The following PIAS4 variants were observed in gnomAD, a reference collection of about 807,000 sequenced individuals.
The protein encoded by PIAS4 is protein inhibitor of activated STAT 4.
Under a neutral mutation model 58.0 loss-of-function variants are expected in PIAS4, and 7 were observed. The observed-to-expected ratio is 0.12, with a 90% CI of 0.07 to 0.23. The LOEUF (loss-of-function observed/expected upper bound fraction) is 0.23. PIAS4 is among the 10% of genes least tolerant of loss of function. PIAS4 has a pLI of 1.00. For missense variants in PIAS4, 550 were observed against 709.5 expected (o/e 0.78, Z 2.55); for synonymous variants, 364 against 312.4 (o/e 1.17, Z -1.74).
Position 4,038,009 on chromosome 19 carries a change from G to T in PIAS4, c.*134G>T, listed in dbSNP as rs1031817713. ...TTTTGTTTTTCCACCCTTTTGCCTG[G>T]CTCCTGGCACCTGTACCTCTGGACT... On this transcript the variant is annotated 3_prime_UTR_variant, in exon 11 of 11. Transcript: ENST00000262971. The surrounding 1 kb of genome is among the most constrained non-coding windows in gnomAD (Gnocchi z 4.1). 1.1e-6 allele frequency: 1 copy of T among 897,198 alleles called. No individual in the cohort carries two copies. Among genetic ancestry groups the T allele is most frequent in the Admixed American group, 2.9e-5 (1 of 34,972 alleles). 55.6% of individuals were successfully genotyped at this position (897,198 alleles called of 1,614,324 possible). A position where few individuals can be genotyped will look rare whatever the true frequency, so the allele number is the denominator to read the frequency against.
intron 1 of PIAS4, among the ~76,000 whole-genome samples, chr19:4,011,273 T>A (rs2039989813): frequency 6.6e-6 from 1 of 152,234 alleles, no homozygotes; most frequent in South Asian, 2.1e-4. Context: ...AGCTACTGTT[T>A]CCCACCACAT....
chr19:4,037,041 G>A lies in PIAS4; in HGVS notation c.1143-333G>A, dbSNP rs1043299232. On this transcript the variant is annotated intron_variant, in intron 9 of 10. Coordinates refer to ENST00000262971, the MANE Select transcript of PIAS4 (RefSeq NM_015897.4). The surrounding 1 kb of genome is among the most constrained non-coding windows in gnomAD (Gnocchi z 5.8). ...CACGCTCAAACATGCGTGCACACCCGGAGGTGCCCAGAGGGGCAGGGTGGG... is the reference window on the plus strand; with the variant it reads ...CACGCTCAAACATGCGTGCACACCCAGAGGTGCCCAGAGGGGCAGGGTGGG... Among the ~76,000 whole-genome samples the A allele has an allele frequency of 2.1e-4, 32 of 151,840 alleles. No individual in the cohort carries two copies. Among genetic ancestry groups the A allele is most frequent in the African/African-American group, 7.5e-4 (31 of 41,546 alleles).
chr19:4,025,343 T>C (rs1475387979), intron 3 of PIAS4, among the ~76,000 whole-genome samples: 1 of 152,224 alleles, frequency 6.6e-6, no homozygotes, highest in Non-Finnish European at 1.5e-5. Context: ...CCCTGCGCTC[T>C]GCTCCTCCCT....
At chr19:4,010,697 G>A (rs2039984457) in intron 1 of PIAS4, among the ~76,000 whole-genome samples, 1 of 152,182 alleles carries the variant, frequency 6.6e-6, no homozygotes, top group South Asian at 2.1e-4. Flanking sequence ...GGAGGCTCTG[G>A]GCCAGCCTCT....
intron 9 of PIAS4, among the ~76,000 whole-genome samples, chr19:4,036,041 TAC>T (rs1183918973): frequency 4.5e-3 from 16 of 3,538 alleles, no homozygotes; most frequent in Admixed American, 0.011. Context: ...CACACCGTCA[TAC>T]ACACACACAT....
chr19:4,013,106 T>G lies in PIAS4; in HGVS notation c.211T>G (p.Ser71Ala). The G allele has an allele frequency of 6.2e-7, 1 of 1,613,256 alleles. No homozygotes were observed. The highest frequency in any genetic ancestry group is 8.5e-7 in the Non-Finnish European group (1 of 1,179,986). The change falls in exon 2 of 11, where the codon TCG becomes GCG. Residue 71 changes from serine (S) to alanine (A), a missense_variant. Ser to Ala is a moderately conservative substitution (Grantham distance 99). Around this residue, in one of 4 missense-constraint regions of PIAS4, gnomAD observed 95 missense variants for 87.5 expected, o/e 1.09. Coordinates refer to ENST00000262971, the MANE Select transcript of PIAS4 (RefSeq NM_015897.4). The surrounding 1 kb of genome is among the most constrained non-coding windows in gnomAD (Gnocchi z 5.1). Reference sequence around the variant, plus strand: ...CGAGACCCGCTACGCCAAGAAGAACTCGGAGCCTGCCCCACAGCCGCACCG... The same window carrying G: ...CGAGACCCGCTACGCCAAGAAGAACGCGGAGCCTGCCCCACAGCCGCACCG... Reference protein sequence around the residue: ...LYETRYAKKNSEPAPQPHRPL... With the variant: ...LYETRYAKKNAEPAPQPHRPL...
chr19:4,015,201 G>A (rs1168496513), intron 2 of PIAS4, among the ~76,000 whole-genome samples: 4 of 152,212 alleles, frequency 2.6e-5, no homozygotes, highest in African/African-American at 9.7e-5. Context: ...AGAGCTGGCT[G>A]TCTCTGAAGG....
intron 2 of PIAS4, among the ~76,000 whole-genome samples, chr19:4,023,459 C>CCAAAACAAAACAAAA (rs112254507): frequency 6.6e-6 from 1 of 152,134 alleles, no homozygotes; most frequent in African/African-American, 2.4e-5. Flanking sequence ...AACTCCATCT[C>CCAAAACAAAACAAAA]CAAAACAAAA....
rs1276311578 is a variant in PIAS4, at chr19:4,037,003, A to T, written c.1143-371A>T. The stretch of plus-strand genomic sequence containing the variant: ...CATGCTCGCACACATGCACAGATAC[A>T]CTCACGTCCACACACGCTCAAACAT... On this transcript the variant is annotated intron_variant, in intron 9 of 10. Transcript: ENST00000262971. The surrounding 1 kb of genome is among the most constrained non-coding windows in gnomAD (Gnocchi z 5.8). Among the ~76,000 whole-genome samples, 2 of 151,794 alleles carry T rather than the reference A, an allele frequency of 1.3e-5. No individual in the cohort carries two copies. The highest frequency in any genetic ancestry group is 2.4e-5 in the African/African-American group (1 of 41,408).
chr19:4,036,103 A>AC (rs2040279636), intron 9 of PIAS4, among the ~76,000 whole-genome samples: 1 of 18,410 alleles, frequency 5.4e-5, no homozygotes, highest in African/African-American at 8.3e-5. Context: ...CCGTCATACA[A>AC]ACACACACAC....
intron 3 of PIAS4, among the ~76,000 whole-genome samples, chr19:4,027,446 G>C (rs972080339): frequency 6.6e-6 from 1 of 152,166 alleles, no homozygotes; most frequent in East Asian, 1.9e-4. Context: ...CTGCTAGTTT[G>C]TGGCTGTTGT....
chr19:4,033,866 C>A (rs1280324112), intron 9 of PIAS4, among the ~76,000 whole-genome samples: 2 of 152,202 alleles, frequency 1.3e-5, no homozygotes, highest in Admixed American at 1.3e-4. Flanking sequence ...ACCCTGAGCT[C>A]CAGGAGTGTG....
intron 1 of PIAS4, among the ~76,000 whole-genome samples, chr19:4,008,006 G>C (rs1414532198): frequency 6.6e-6 from 1 of 151,430 alleles, no homozygotes; most frequent in Non-Finnish European, 1.5e-5. Flanking sequence ...TCTTCGCGCC[G>C]GGGGTCGCTC....
intron 2 of PIAS4, among the ~76,000 whole-genome samples, chr19:4,022,658 G>A (rs138629498): frequency 2.2e-3 from 326 of 151,550 alleles, no homozygotes; most frequent in African/African-American, 7.3e-3. Flanking sequence ...GAGCCACCGC[G>A]CCTGGCCGTT....
rs911488971 is a variant in PIAS4, at chr19:4,032,720, C to T, written c.908-380C>T. Reference sequence around the variant, plus strand: ...CCCAAAGAGTCCCTGCCTCATTCCCCGCTGTGGCCTTGGGGATGGTGCTTC... The same window carrying T: ...CCCAAAGAGTCCCTGCCTCATTCCCTGCTGTGGCCTTGGGGATGGTGCTTC... On this transcript the variant is annotated intron_variant, in intron 7 of 10. Coordinates refer to ENST00000262971, the MANE Select transcript of PIAS4 (RefSeq NM_015897.4). Among the ~76,000 whole-genome samples the T allele has an allele frequency of 5.3e-5, 8 of 152,190 alleles. 1 individual carries two copies. Among genetic ancestry groups the T allele is most frequent in the African/African-American group, 1.2e-4 (5 of 41,460 alleles).
intron 1 of PIAS4, among the ~76,000 whole-genome samples, chr19:4,008,100 C>A (rs990234588): frequency 1.3e-5 from 2 of 152,000 alleles, no homozygotes; most frequent in Non-Finnish European, 2.9e-5. Flanking sequence ...CCGCGCCTCC[C>A]GGTTGAGGCA....
Position 4,013,142 on chromosome 19 carries a change from C to A in PIAS4, c.247C>A (p.Pro83Thr), listed in dbSNP as rs756641652. The A allele has an allele frequency of 1.2e-6, 2 of 1,613,426 alleles. No individual in the cohort carries two copies. Among genetic ancestry groups the A allele is most frequent in the South Asian group, 2.2e-5 (2 of 91,084 alleles). The change falls in exon 2 of 11, where the codon CCC (proline) becomes ACC (threonine). Residue 83 changes from proline (P) to threonine (T), a missense_variant. Transcript: ENST00000262971. This position sits in a 1 kb window ranked among gnomAD's most constrained non-coding sequence, Gnocchi z 5.1. ...CCCACAGCCGCACCGGCCCCTGGAC[C>A]CCCTGACCATGCACTCCACCTACGA... is the stretch of plus-strand genomic sequence containing the variant. ...PAPQPHRPLD[P>T]LTMHSTYDRA...
chr19:4,032,899 A>T (rs911354701), intron 7 of PIAS4, among the ~76,000 whole-genome samples: 4 of 152,172 alleles, frequency 2.6e-5, no homozygotes, highest in African/African-American at 9.7e-5. Flanking sequence ...TGCTGTGCCC[A>T]GGTTGTGGTC....
intron 2 of PIAS4, among the ~76,000 whole-genome samples, chr19:4,015,239 A>G (rs908817012): frequency 5.9e-5 from 9 of 152,196 alleles, no homozygotes; most frequent in African/African-American, 2.2e-4. Context: ...CCTGCATCAC[A>G]GGGAGGCTGG....
Sources: allele counts gnomAD v4.1 joint callset (sites outside exome capture counted in the v4.1 genomes callset), GRCh38; gene constraint gnomAD v4.1.1; regional missense constraint gnomAD v4.1.1; non-coding constraint Gnocchi (gnomAD v3.1); transcripts MANE v1.5; gene names NCBI Gene and HGNC (gene_info 2026-07-23, HGNC 2026-07-21).